IL1RAPL2: variants seen among roughly 807,000 people sequenced by gnomAD.
IL1RAPL2 encodes X-linked interleukin-1 receptor accessory protein-like 2.
IL1RAPL2 carries 3 observed loss-of-function variants against 44.1 expected under a neutral mutation model. The ratio of observed to expected loss-of-function variants is 0.07; its 90% confidence interval spans 0.03 to 0.18. The LOEUF (loss-of-function observed/expected upper bound fraction) is 0.18, where lower values mean the gene tolerates loss of function less well. Ranked by LOEUF, IL1RAPL2 falls within the 10% of genes least tolerant of loss-of-function variation. The probability of loss-of-function intolerance (pLI) is 1.00; values close to 1 mark genes in which losing one functional copy is unlikely to be tolerated. For synonymous variants in IL1RAPL2, 181 were observed against 178.8 expected (o/e 1.01, Z -0.10); for missense variants, 391 against 496.4 (o/e 0.79, Z 2.02).
chrX:105,286,905 A>T (rs968531660), intron 5 of IL1RAPL2, among the ~76,000 whole-genome samples: 5 of 111,840 alleles, frequency 4.5e-5, no homozygotes, highest in Middle Eastern at 4.6e-3. Flanking sequence ...AATAAGTATT[A>T]TTCAGCTGCT....
intron 2 of IL1RAPL2, among the ~76,000 whole-genome samples, chrX:105,093,075 A>C (rs897659150): frequency 9.1e-5 from 10 of 110,408 alleles, no homozygotes; most frequent in African/African-American, 3.3e-4. Context: ...AAAAGTGCAA[A>C]GTGGACAAAA....
intron 10 of IL1RAPL2, among the ~76,000 whole-genome samples, chrX:105,762,829 A>C (rs895052981): frequency 1.8e-5 from 2 of 112,063 alleles, no homozygotes; most frequent in Admixed American, 9.4e-5. Context: ...GGAACAAGTC[A>C]AGGCAAGATT....
intron 2 of IL1RAPL2, among the ~76,000 whole-genome samples, chrX:105,145,731 G>C (rs1343157748): frequency 9.0e-6 from 1 of 111,152 alleles, no homozygotes. Context: ...CTGCACTAAT[G>C]TCAGAATCCT....
At chrX:104,837,623 A>G (rs1329231509) in intron 2 of IL1RAPL2, among the ~76,000 whole-genome samples, 5 of 111,824 alleles carry the variant, frequency 4.5e-5, no homozygotes, top group Non-Finnish European at 9.4e-5. Flanking sequence ...GATTCTGGAT[A>G]TTAGACCTTT....
At chrX:105,707,126 A>C (rs532619756) in intron 6 of IL1RAPL2, among the ~76,000 whole-genome samples, 2 of 111,892 alleles carry the variant, frequency 1.8e-5, no homozygotes, top group South Asian at 7.5e-4. Context: ...ACAGGCATAT[A>C]AACATTGAGG....
chrX:105,225,749 C>T (rs919081166), intron 3 of IL1RAPL2, among the ~76,000 whole-genome samples: 1 of 108,442 alleles, frequency 9.2e-6, no homozygotes, highest in Non-Finnish European at 1.9e-5. Flanking sequence ...TATAATGGCA[C>T]GATCTTGGCT....
chrX:104,720,734 G>C (rs959710616), intron 2 of IL1RAPL2, among the ~76,000 whole-genome samples: 6 of 111,498 alleles, frequency 5.4e-5, no homozygotes, highest in Non-Finnish European at 1.1e-4. Context: ...TCATGTAGCA[G>C]GACTGGTATT....
intron 2 of IL1RAPL2, among the ~76,000 whole-genome samples, chrX:104,949,117 A>G (rs1925486714): frequency 9.0e-6 from 1 of 110,752 alleles, no homozygotes; most frequent in Admixed American, 9.6e-5. Flanking sequence ...GTCTATTCAG[A>G]GATTCATCTT....
At chrX:104,825,858 A>G (rs942944407) in intron 2 of IL1RAPL2, among the ~76,000 whole-genome samples, 1 of 111,928 alleles carries the variant, frequency 8.9e-6, no homozygotes, top group Non-Finnish European at 1.9e-5. Flanking sequence ...GGCTAAACTC[A>G]TCTGTCTGCA....
chrX:105,382,474 G>A (rs1297840545), intron 5 of IL1RAPL2, among the ~76,000 whole-genome samples: 6 of 107,430 alleles, frequency 5.6e-5, no homozygotes, highest in South Asian at 8.0e-4. Context: ...GAAACAACAG[G>A]TGCTGGAGAG....
chrX:105,210,460 C>A (rs1477229579), intron 3 of IL1RAPL2, among the ~76,000 whole-genome samples: 2 of 110,681 alleles, frequency 1.8e-5, no homozygotes, highest in Non-Finnish European at 3.8e-5. Flanking sequence ...AGTGGACATT[C>A]GGCAATATCT....
intron 2 of IL1RAPL2, among the ~76,000 whole-genome samples, chrX:104,870,737 T>C (rs781605555): frequency 8.9e-6 from 1 of 112,198 alleles, no homozygotes; most frequent in South Asian, 3.7e-4. Flanking sequence ...CAGGATACCT[T>C]GTCTTACTGG....
chrX:105,546,904 C>T (rs2147800815), intron 6 of IL1RAPL2, among the ~76,000 whole-genome samples: 1 of 111,982 alleles, frequency 8.9e-6, no homozygotes, highest in South Asian at 3.7e-4. Context: ...AACGTATGGT[C>T]CTAAAATGGC....
At chrX:105,325,845 C>T (rs2034934100) in intron 5 of IL1RAPL2, among the ~76,000 whole-genome samples, 1 of 110,343 alleles carries the variant, frequency 9.1e-6, no homozygotes, top group South Asian at 3.7e-4. Flanking sequence ...GGCATCTTTT[C>T]ATATGCTTAT....
At chrX:104,827,064 C>T (rs376587210) in intron 2 of IL1RAPL2, among the ~76,000 whole-genome samples, 1 of 103,608 alleles carries the variant, frequency 9.7e-6, no homozygotes, top group African/African-American at 3.6e-5. Context: ...ACCGATTGGT[C>T]TTGACTCTTT....
chrX:105,319,988 G>A (rs993568680), intron 5 of IL1RAPL2, among the ~76,000 whole-genome samples: 1 of 111,397 alleles, frequency 9.0e-6, no homozygotes, highest in Non-Finnish European at 1.9e-5. Context: ...AAGAGTCAGT[G>A]TGTGTGTGTA....
intron 2 of IL1RAPL2, among the ~76,000 whole-genome samples, chrX:104,698,135 T>C (rs558758522): frequency 8.9e-6 from 1 of 112,393 alleles, no homozygotes; most frequent in South Asian, 3.7e-4. Context: ...GCCCTTTCCA[T>C]AGGGCAGCTG....
chrX:104,585,220 G>A (rs1569487887), intron 1 of IL1RAPL2, among the ~76,000 whole-genome samples: 47 of 46,304 alleles, frequency 1.0e-3, no homozygotes, highest in African/African-American at 5.1e-3. Context: ...ACACATATAT[G>A]TATATATGTG....
At chrX:105,328,870 T>C (rs2034962769) in intron 5 of IL1RAPL2, among the ~76,000 whole-genome samples, 1 of 112,129 alleles carries the variant, frequency 8.9e-6, no homozygotes, top group Admixed American at 9.5e-5. Context: ...GGCTATGCCA[T>C]GTAGTCTAAT....
Sources: gnomAD v4.1 joint callset for allele counts (sites outside exome capture counted in the v4.1 genomes callset) on GRCh38, gnomAD v4.1.1 for gene constraint, MANE v1.5 for transcripts, NCBI Gene and HGNC (gene_info 2026-07-23, HGNC 2026-07-21) for gene names.